The following CCAR1 variants were observed in gnomAD, a reference collection of about 807,000 sequenced individuals.
The protein encoded by CCAR1 is cell division cycle and apoptosis regulator 1.
CCAR1 carries 78 observed loss-of-function variants against 163.8 expected under a neutral mutation model. The observed-to-expected ratio is 0.48, with a 90% CI of 0.40 to 0.57. The LOEUF is 0.57. CCAR1 is among the 20% of genes least tolerant of loss of function. The probability of loss-of-function intolerance (pLI) is 0.00; values close to 1 mark genes in which losing one functional copy is unlikely to be tolerated. For synonymous variants in CCAR1, 443 were observed against 460.7 expected (o/e 0.96, Z 0.49); for missense variants, 1,019 against 1,365.2 (o/e 0.75, Z 4.00).
chr10:68,771,155 T>G, intron 17 of CCAR1, 51 bp from the exon 18 acceptor site: 1 of 1,483,146 alleles, frequency 6.7e-7, no homozygotes, highest in Non-Finnish European at 9.1e-7. Context: ...TCTGCTAGCT[T>G]TATTATTTCT....
At chr10:68,745,507 A>G (rs1192774905) in intron 6 of CCAR1, among the ~76,000 whole-genome samples, 1 of 147,296 alleles carries the variant, frequency 6.8e-6, no homozygotes, top group Non-Finnish European at 1.5e-5. Context: ...CTTGTTGCCC[A>G]GGTTGGAGTG....
intron 15 of CCAR1, among the ~76,000 whole-genome samples, chr10:68,758,638 T>C (rs1236662184): frequency 1.8e-5 from 2 of 110,796 alleles, no homozygotes; most frequent in African/African-American, 2.9e-5. Flanking sequence ...TATGTATATA[T>C]ACACACGTGT....
At chr10:68,758,992 T>A (rs2056436013) in intron 15 of CCAR1, among the ~76,000 whole-genome samples, 1 of 152,148 alleles carries the variant, frequency 6.6e-6, no homozygotes, top group Non-Finnish European at 1.5e-5. Flanking sequence ...CATAACATTG[T>A]TAGGTGTTTT....
At chr10:68,779,419 C>A (rs750830607) in intron 19 of CCAR1, among the ~76,000 whole-genome samples, 1 of 151,598 alleles carries the variant, frequency 6.6e-6, no homozygotes, top group Non-Finnish European at 1.5e-5. Context: ...CCACCATGCC[C>A]GGTTAATTTT....
chr10:68,761,559 C>T (rs2056470488), intron 16 of CCAR1, among the ~76,000 whole-genome samples: 1 of 152,102 alleles, frequency 6.6e-6, no homozygotes, highest in Non-Finnish European at 1.5e-5. Context: ...CCTGCCTCAG[C>T]CTCCCAAAGT....
chr10:68,721,923 C>T lies in CCAR1; in HGVS notation c.-50-532C>T, dbSNP rs183387925. Among the ~76,000 whole-genome samples the T allele has an allele frequency of 2.7e-3, 417 of 152,220 alleles. 3 individuals carry two copies. The highest frequency in any genetic ancestry group is 9.4e-3 in the African/African-American group (389 of 41,546). ...CCATTATCTCAACGGCCTTTTCCTT[C>T]GAGGTCGGGGTTGGAAAAGAAGCCC... On this transcript the variant is annotated intron_variant, in intron 1 of 24. Coordinates refer to ENST00000265872, the MANE Select transcript of CCAR1 (RefSeq NM_018237.4).
chr10:68,776,439 G>T (rs759032134), intron 19 of CCAR1, among the ~76,000 whole-genome samples: 2 of 151,982 alleles, frequency 1.3e-5, no homozygotes, highest in Non-Finnish European at 2.9e-5. Context: ...GGTGGCGGAT[G>T]CCTGTAATCC....
In CCAR1 at chr10:68,752,408, T is replaced by C. The variant is rs2056343834; in HGVS notation, c.1119-1444T>C. Among the ~76,000 whole-genome samples the C allele has an allele frequency of 1.3e-5, 2 of 152,240 alleles. 1 individual carries two copies. Among genetic ancestry groups the C allele is most frequent in the South Asian group, 4.1e-4 (2 of 4,834 alleles). ...TTATTTGTACTTATATCTTTTGTTT[T>C]ATTATAAATTTTACTCCTGTGGGGT... is the stretch of plus-strand genomic sequence containing the variant. On this transcript the variant is annotated intron_variant, in intron 10 of 24. Coordinates refer to ENST00000265872, the MANE Select transcript of CCAR1 (RefSeq NM_018237.4).
rs1040654604 is a variant in CCAR1 at position 68,786,021 on chromosome 10, C to T, written c.2651-115C>T. On this transcript the variant is annotated intron_variant, in intron 19 of 24. Coordinates refer to ENST00000265872, the MANE Select transcript of CCAR1 (RefSeq NM_018237.4). ...GCAGTGGTATAGTCATAGCTCACTA[C>T]ACCCTCGAACGCCTGGCCCTCCTGA... The T allele has an allele frequency of 6.5e-5, 44 of 674,968 alleles. No homozygotes were observed. The South Asian group carries it at 7.0e-4, about 11-fold the overall frequency. The allele number at this position is 674,968 out of a possible 1,614,324, so 41.8% of individuals were successfully genotyped here.
intron 16 of CCAR1, among the ~76,000 whole-genome samples, chr10:68,764,390 A>G (rs1388577160): frequency 6.6e-6 from 1 of 151,992 alleles, no homozygotes; most frequent in Non-Finnish European, 1.5e-5. Context: ...ACAAAAAAAA[A>G]AAAAAATTTA....
chr10:68,761,526 C>T (rs1257900172), intron 16 of CCAR1, among the ~76,000 whole-genome samples: 1 of 151,746 alleles, frequency 6.6e-6, no homozygotes, highest in Admixed American at 6.6e-5. Context: ...AGGCTAGTCT[C>T]GAACTCCTGA....
chr10:68,760,999 A>C lies in CCAR1; in HGVS notation c.1921-8A>C, dbSNP rs753838568. On this transcript the variant is annotated splice_polypyrimidine_tract_variant and splice_region_variant and intron_variant, in intron 15 of 24. Transcript: ENST00000265872. The stretch of plus-strand genomic sequence containing the variant: ...TTTTTTCCGTGTTTTTCTGCTCCAT[A>C]TATTCAGGTAAATGACCTCCGAAAA... 4.7e-6 allele frequency: 6 copies of C among 1,287,396 alleles called. No individual in the cohort carries two copies. The Admixed American group carries it at 1.3e-4, about 27-fold the overall frequency. The allele number at this position is 1,287,396 out of a possible 1,614,324, so 79.7% of individuals were successfully genotyped here. A position where few individuals can be genotyped will look rare whatever the true frequency, so the allele number is the denominator to read the frequency against.
At chr10:68,745,274 G>A (rs1019040234) in intron 6 of CCAR1, among the ~76,000 whole-genome samples, 2 of 152,052 alleles carry the variant, frequency 1.3e-5, no homozygotes, top group Admixed American at 1.3e-4. Context: ...CCAAAGTCCT[G>A]GGATTACAGG....
At chr10:68,721,703 A>G (rs562669272) in intron 1 of CCAR1, 2 of 366,472 alleles carry the variant, frequency 5.5e-6, no homozygotes, top group Non-Finnish European at 1.1e-5. Context: ...GGAGCCATCG[A>G]GTGTCGTGGG....
intron 19 of CCAR1, among the ~76,000 whole-genome samples, chr10:68,779,122 C>T (rs1198967520): frequency 1.3e-5 from 2 of 151,486 alleles, no homozygotes; most frequent in East Asian, 1.9e-4. Context: ...GGATTACAGG[C>T]GTGAGCCACT....
chr10:68,757,797 G>A, intron 15 of CCAR1, among the ~76,000 whole-genome samples: 1 of 149,274 alleles, frequency 6.7e-6, no homozygotes, highest in Middle Eastern at 3.6e-3. Context: ...TATAATATAT[G>A]AGGGTCTATA....
chr10:68,790,703 A>T (rs1175054910), intron 24 of CCAR1, among the ~76,000 whole-genome samples: 2 of 151,332 alleles, frequency 1.3e-5, no homozygotes, highest in Non-Finnish European at 2.9e-5. Context: ...TAATTTTTAT[A>T]TTTTTTTTAG....
At chr10:68,748,073 C>T (rs1306278791) in intron 8 of CCAR1, among the ~76,000 whole-genome samples, 3 of 152,116 alleles carry the variant, frequency 2.0e-5, no homozygotes, top group Non-Finnish European at 4.4e-5. Context: ...AGGCTGGTCT[C>T]GAACTCCTGA....
intron 2 of CCAR1, among the ~76,000 whole-genome samples, chr10:68,730,892 C>A (rs1307941417): frequency 6.6e-6 from 1 of 151,866 alleles, no homozygotes; most frequent in Non-Finnish European, 1.5e-5. Flanking sequence ...AGGGTTTTGT[C>A]TTGTTGCCCA....
Sources: gnomAD v4.1 joint callset for allele counts (sites outside exome capture counted in the v4.1 genomes callset) on GRCh38, gnomAD v4.1.1 for gene constraint, MANE v1.5 for transcripts, NCBI Gene and HGNC (gene_info 2026-07-23, HGNC 2026-07-21) for gene names.